TMEM150C: variants seen among roughly 807,000 people sequenced by gnomAD.
TMEM150C encodes the protein transmembrane protein 150C, also known as tentonin 3.
Under a neutral mutation model 29.9 loss-of-function variants are expected in TMEM150C, and 10 were observed. The ratio of observed to expected loss-of-function variants is 0.33; its 90% CI spans 0.21 to 0.57. The LOEUF (loss-of-function observed/expected upper bound fraction) is 0.57. TMEM150C is among the 20% of genes least tolerant of loss of function. The pLI, the probability that TMEM150C is intolerant of heterozygous loss-of-function variation, is 0.88. For missense variants in TMEM150C, 251 were observed against 303.6 expected (o/e 0.83, Z 1.29); for synonymous variants, 101 against 112.5 (o/e 0.90, Z 0.64).
chr4:82,502,865 C>G, intron 4 of TMEM150C, 30 bp downstream of exon 4: 6 of 1,596,828 alleles, frequency 3.8e-6, no homozygotes, highest in Non-Finnish European at 5.1e-6. Flanking sequence ...TCCTACGGTC[C>G]CACAGGACAG....
chr4:82,496,274 A>C, intron 5 of TMEM150C, 79 bp from the exon 6 acceptor site: 3 of 1,369,552 alleles, frequency 2.2e-6, no homozygotes, highest in Non-Finnish European at 3.0e-6. Context: ...TATTATTATT[A>C]TTTTTTTATG....
rs189114790 is a variant in TMEM150C at position 82,534,298 on chromosome 4, C to G, written c.-11+27608G>C. On this transcript the variant is annotated intron_variant, in intron 1 of 7. Transcript: ENST00000449862. ...TCCAGGTGATAGGCTTATTTACCAA[C>G]CAAGCCCCTCACCTCACCCCTGCAA... Among the ~76,000 whole-genome samples, 32 of 152,262 alleles carry G rather than the reference C, an allele frequency of 2.1e-4. No homozygotes were observed. In the South Asian group the frequency reaches 2.3e-3, roughly 11 times the overall value.
chr4:82,551,973 T>C (rs1342098075), intron 1 of TMEM150C, among the ~76,000 whole-genome samples: 7 of 152,158 alleles, frequency 4.6e-5, no homozygotes, highest in African/African-American at 1.7e-4. Context: ...AATGTCTTGG[T>C]AGCAACCTCA....
intron 6 of TMEM150C, chr4:82,491,377 C>G: frequency 1.6e-6 from 1 of 640,686 alleles, no homozygotes; most frequent in Non-Finnish European, 2.8e-6. Context: ...CCTGGGTGAA[C>G]TGGTTAATTG....
At position 82,484,617 on chromosome 4, in the gene TMEM150C, C is replaced by G. The variant is rs1028089016; in HGVS notation, c.*894G>C. On this transcript the variant is annotated 3_prime_UTR_variant, in exon 8 of 8. Transcript: ENST00000449862. ...CTTCCCACGTAAGCCTGCAGGTGAC[C>G]TCAGTTTTTCTTTGATCATGGTTGA... 1 of 152,102 alleles carries G rather than the reference C, an allele frequency of 6.6e-6. No homozygotes were observed. Among genetic ancestry groups the G allele is most frequent in the Non-Finnish European group, 1.5e-5 (1 of 68,024 alleles). 9.4% of individuals were successfully genotyped at this position (152,102 alleles called of 1,614,324 possible).
intron 1 of TMEM150C, among the ~76,000 whole-genome samples, chr4:82,539,976 AACTT>A (rs1725143871): frequency 1.3e-5 from 2 of 152,088 alleles, no homozygotes; most frequent in Admixed American, 1.3e-4. Context: ...TCAATAGAAA[AACTT>A]AAGGAGATTA....
chr4:82,512,819 A>G (rs1724171161), intron 1 of TMEM150C, among the ~76,000 whole-genome samples: 1 of 152,206 alleles, frequency 6.6e-6, no homozygotes, highest in Non-Finnish European at 1.5e-5. Flanking sequence ...AATTTTTAGA[A>G]GTTTAAAAAG....
intron 1 of TMEM150C, among the ~76,000 whole-genome samples, chr4:82,508,489 G>C (rs1468953389): frequency 6.7e-6 from 1 of 148,874 alleles, no homozygotes; most frequent in Non-Finnish European, 1.5e-5. Context: ...TTTTTGAGAT[G>C]GGGTCTCACT....
Position 82,504,650 on chromosome 4 carries a change from C to T in TMEM150C, c.8G>A (p.Gly3Glu). 5.0e-6 allele frequency: 8 copies of T among 1,612,986 alleles called. No individual in the cohort carries two copies. Among genetic ancestry groups the T allele is most frequent in the Non-Finnish European group, 6.8e-6 (8 of 1,179,188 alleles). The change falls in exon 2 of 8, where the codon GGG (glycine) becomes GAG (glutamate). Residue 3 changes from glycine (G) to glutamate (E), a missense_variant. Physicochemically the swap from Gly to Glu is moderately conservative, Grantham distance 98 (BLOSUM62 -2). Coordinates refer to ENST00000449862, the MANE Select transcript of TMEM150C (RefSeq NM_001080506.3). ...GAACATCCATACGCTGCATTTCTTC[C>T]CATCCATGCCTGTACCACTGAAATA... MD[G>E]KKCSVWMFLP... is the part of the protein sequence containing the mutation.
At chr4:82,560,157 C>CA (rs746627946) in intron 1 of TMEM150C, among the ~76,000 whole-genome samples, 1 of 152,084 alleles carries the variant, frequency 6.6e-6, no homozygotes. Context: ...ATTATCCCCC[C>CA]ACAAAGCAAC....
intron 1 of TMEM150C, among the ~76,000 whole-genome samples, chr4:82,540,905 G>C (rs994480189): frequency 6.6e-6 from 1 of 152,124 alleles, no homozygotes; most frequent in Admixed American, 6.6e-5. Flanking sequence ...TAGTCACCAT[G>C]ATGTACAATA....
At chr4:82,502,124 G>A (rs371256827) in intron 5 of TMEM150C, among the ~76,000 whole-genome samples, 106 of 152,292 alleles carry the variant, frequency 7.0e-4, no homozygotes, top group African/African-American at 2.0e-3. Context: ...GGTCATGGAC[G>A]CACTCACAGA....
chr4:82,551,452 T>C (rs1725574703), intron 1 of TMEM150C, among the ~76,000 whole-genome samples: 1 of 152,142 alleles, frequency 6.6e-6, no homozygotes, highest in Non-Finnish European at 1.5e-5. Flanking sequence ...AATGAGTAAA[T>C]GGTAAAGGTC....
At chr4:82,529,823 GAA>G (rs1724778096) in intron 1 of TMEM150C, among the ~76,000 whole-genome samples, 1 of 152,142 alleles carries the variant, frequency 6.6e-6, no homozygotes, top group East Asian at 1.9e-4. Flanking sequence ...GGCTGTGAAA[GAA>G]AGGAAAGATG....
intron 1 of TMEM150C, among the ~76,000 whole-genome samples, chr4:82,526,305 A>G (rs1341161214): frequency 6.6e-6 from 1 of 152,212 alleles, no homozygotes; most frequent in East Asian, 1.9e-4. Flanking sequence ...CAATAAGAAC[A>G]AGTAGAACAC....
At chr4:82,559,747 T>G (rs553474344) in intron 1 of TMEM150C, among the ~76,000 whole-genome samples, 1 of 152,308 alleles carries the variant, frequency 6.6e-6, no homozygotes, top group African/African-American at 2.4e-5. Flanking sequence ...TGTTACAGAT[T>G]CTTCTGTGAA....
intron 1 of TMEM150C, among the ~76,000 whole-genome samples, chr4:82,519,504 C>T (rs1283491080): frequency 6.6e-6 from 1 of 152,064 alleles, no homozygotes; most frequent in African/African-American, 2.4e-5. Flanking sequence ...CGGCTCACTG[C>T]AACTCCTGCC....
chr4:82,495,420 G>C (rs1265649584), intron 6 of TMEM150C: 1 of 289,068 alleles, frequency 3.5e-6, no homozygotes, highest in East Asian at 1.2e-4. Flanking sequence ...AAACCTGGGC[G>C]ACAGAGCGAG....
At chr4:82,551,717 C>T (rs550445947) in intron 1 of TMEM150C, among the ~76,000 whole-genome samples, 1 of 152,266 alleles carries the variant, frequency 6.6e-6, no homozygotes, top group Non-Finnish European at 1.5e-5. Context: ...AGGGCGGCTG[C>T]CCCTCATGTT....
Sources: gnomAD v4.1 joint callset for allele counts (sites outside exome capture counted in the v4.1 genomes callset) on GRCh38, gnomAD v4.1.1 for gene constraint, MANE v1.5 for transcripts, NCBI Gene and HGNC (gene_info 2026-07-23, HGNC 2026-07-21) for gene names.